NAALAD2: variants seen among roughly 807,000 people sequenced by gnomAD.
The protein encoded by NAALAD2 is N-acetylated alpha-linked acidic dipeptidase 2.
NAALAD2 carries 89 observed loss-of-function variants against 95.6 expected under a neutral mutation model. The observed-to-expected ratio is 0.93, with a 90% CI of 0.78 to 1.11. NAALAD2 has a LOEUF of 1.11. NAALAD2 is among the 50% of genes least tolerant of loss of function. The probability of loss-of-function intolerance (pLI) is 0.00; values close to 1 mark genes in which losing one functional copy is unlikely to be tolerated. For synonymous variants in NAALAD2, 264 were observed against 294.4 expected, an observed-to-expected ratio of 0.90 and a Z score of 1.06; for missense variants, 894 against 872.4, an observed-to-expected ratio of 1.02 and a Z score of -0.31.
chr11:90,154,467 T>A (rs1300015324), intron 6 of NAALAD2, among the ~76,000 whole-genome samples: 1 of 151,922 alleles, frequency 6.6e-6, no homozygotes, highest in African/African-American at 2.4e-5. Context: ...AACCCTGTCA[T>A]CCTAAAATAA....
At chr11:90,143,837 A>G (rs1344726145) in intron 2 of NAALAD2, among the ~76,000 whole-genome samples, 1 of 152,218 alleles carries the variant, frequency 6.6e-6, no homozygotes, top group Non-Finnish European at 1.5e-5. Context: ...ATGCGTTTAT[A>G]GGAACATAAC....
intron 3 of NAALAD2, 96 bp downstream of exon 3, chr11:90,147,612 G>GTGGATAC: frequency 2.6e-6 from 3 of 1,140,076 alleles, no homozygotes; most frequent in Non-Finnish European, 3.8e-6. Context: ...TTTGTTAATA[G>GTGGATAC]TGAATTATTC....
intron 16 of NAALAD2, among the ~76,000 whole-genome samples, chr11:90,179,311 A>G (rs1420575007): frequency 6.6e-6 from 1 of 152,154 alleles, no homozygotes; most frequent in Non-Finnish European, 1.5e-5. Flanking sequence ...GGAGATATAA[A>G]TGTGTACAAG....
intron 1 of NAALAD2, 23 bp from the exon 2 acceptor site, chr11:90,135,536 G>A (rs372668543): frequency 2.2e-5 from 34 of 1,552,832 alleles, no homozygotes; most frequent in Non-Finnish European, 3.0e-5. Context: ...ATGTGTGCAT[G>A]TTTGTGTATT....
At chr11:90,181,296 C>CT (rs1952960624) in intron 16 of NAALAD2, among the ~76,000 whole-genome samples, 2 of 151,866 alleles carry the variant, frequency 1.3e-5, no homozygotes, top group African/African-American at 4.8e-5. Flanking sequence ...TATCCAGTGT[C>CT]TAGCATACAG....
chr11:90,142,136 G>A (rs566170880), intron 2 of NAALAD2, among the ~76,000 whole-genome samples: 16 of 152,144 alleles, frequency 1.1e-4, no homozygotes, highest in South Asian at 2.1e-4. Flanking sequence ...TTTGTCAAGC[G>A]CTTTTTCTGT....
chr11:90,165,974 T>C (rs965986459), intron 11 of NAALAD2, among the ~76,000 whole-genome samples: 2 of 152,170 alleles, frequency 1.3e-5, no homozygotes, highest in Non-Finnish European at 2.9e-5. Context: ...TTGTGCCAGG[T>C]TCTTGATTAT....
At chr11:90,131,903 C>T (rs1341856432), upstream of NAALAD2, 1 of 152,160 alleles carries the variant, frequency 6.6e-6, no homozygotes, top group Non-Finnish European at 1.5e-5. Flanking sequence ...GTTTTCAATA[C>T]TCAAAGTTTT....
At chr11:90,188,866 A>G (rs1397494282) in intron 18 of NAALAD2, among the ~76,000 whole-genome samples, 1 of 152,188 alleles carries the variant, frequency 6.6e-6, no homozygotes, top group Non-Finnish European at 1.5e-5. Flanking sequence ...GTTCCACAAA[A>G]ATTAATTGCT....
At chr11:90,153,547 T>G (rs745502014) in intron 6 of NAALAD2, among the ~76,000 whole-genome samples, 14 of 152,026 alleles carry the variant, frequency 9.2e-5, no homozygotes, top group Admixed American at 2.6e-4. Flanking sequence ...TTTGGTCCTT[T>G]CCATATGAGT....
At position 90,135,645 on chromosome 11, in the gene NAALAD2, G is replaced by A; in HGVS notation, c.169G>A (p.Ala57Thr). Reference protein sequence around the residue: ...IRWKLVSEMKAENIKSFLRSF... With the variant: ...IRWKLVSEMKTENIKSFLRSF... ...GTGGAAACTGGTATCCGAAATGAAA[G>A]CTGAAAACATCAAATCATTTCTTCG... Residue 57 changes from alanine to threonine, a missense_variant, in exon 2 of 19, where the codon GCT becomes ACT. Transcript: ENST00000534061. The A allele has an allele frequency of 6.2e-7, 1 of 1,612,698 alleles. No homozygotes were observed. The highest frequency in any genetic ancestry group is 8.5e-7 in the Non-Finnish European group (1 of 1,179,260).
rs1466474990 is a variant in NAALAD2, at chr11:90,134,693, C to G, written c.-66C>G. The G allele has an allele frequency of 1.3e-6, 2 of 1,532,216 alleles. No individual in the cohort carries two copies. Among genetic ancestry groups the G allele is most frequent in the African/African-American group, 2.7e-5 (2 of 73,176 alleles). 94.9% of individuals were successfully genotyped at this position (1,532,216 alleles called of 1,614,324 possible). On this transcript the variant is annotated 5_prime_UTR_variant, in exon 1 of 19. Transcript: ENST00000534061. ...TCACAGCCTCCTGCCAGCGCGCTCTCTGTTTCTCTGCAGCCCCGAAGCTCG... is the reference window on the plus strand; with the variant it reads ...TCACAGCCTCCTGCCAGCGCGCTCTGTGTTTCTCTGCAGCCCCGAAGCTCG...
intron 14 of NAALAD2, 72 bp downstream of exon 14, chr11:90,173,987 A>C: frequency 9.8e-7 from 1 of 1,023,278 alleles, no homozygotes; most frequent in Non-Finnish European, 1.5e-6. Flanking sequence ...TGTTTCTCCA[A>C]GCATGAAATT....
At chr11:90,156,084 C>G (rs1952111865) in intron 6 of NAALAD2, among the ~76,000 whole-genome samples, 1 of 151,624 alleles carries the variant, frequency 6.6e-6, no homozygotes, top group South Asian at 2.1e-4. Flanking sequence ...GTGATATTCT[C>G]TCCTTTATTC....
At chr11:90,183,752 T>C (rs1857038148) in intron 18 of NAALAD2, among the ~76,000 whole-genome samples, 1 of 152,164 alleles carries the variant, frequency 6.6e-6, no homozygotes, top group Non-Finnish European at 1.5e-5. Flanking sequence ...TGCCCAACTG[T>C]AGGCTAATGT....
intron 18 of NAALAD2, among the ~76,000 whole-genome samples, chr11:90,185,363 A>AT (rs1286764950): frequency 2.6e-5 from 4 of 151,912 alleles, no homozygotes; most frequent in African/African-American, 9.7e-5. Flanking sequence ...TTACAATTTT[A>AT]TTTTTTTCCT....
At chr11:90,134,864 C>G (rs769099679) in intron 1 of NAALAD2, 24 bp downstream of exon 1, 2 of 1,611,148 alleles carry the variant, frequency 1.2e-6, no homozygotes, top group South Asian at 1.1e-5. Context: ...ACACTCTACC[C>G]CGACTCCGGG....
chr11:90,168,914 T>G lies in NAALAD2; in HGVS notation c.1279-15T>G, dbSNP rs1175916872. The G allele has an allele frequency of 1.9e-6, 3 of 1,592,258 alleles. No homozygotes were observed. The highest frequency in any genetic ancestry group is 3.5e-5 in the Admixed American group (2 of 56,810). ...AAGTAATGTGAATTAAGTAACAACT[T>G]TGCTTCAACTACAGGAGAATGTCAA... On this transcript the variant is annotated splice_polypyrimidine_tract_variant and intron_variant, in intron 11 of 18. Transcript: ENST00000534061.
chr11:90,164,310 GTCTC>G (rs1172104453), intron 11 of NAALAD2: 4 of 151,800 alleles, frequency 2.6e-5, no homozygotes, highest in African/African-American at 9.7e-5. Flanking sequence ...TCTTCCTTTA[GTCTC>G]TCTGTCAAGT....
Sources: gnomAD v4.1 joint callset for allele counts (sites outside exome capture counted in the v4.1 genomes callset) on GRCh38, gnomAD v4.1.1 for gene constraint, MANE v1.5 for transcripts, NCBI Gene and HGNC (gene_info 2026-07-23, HGNC 2026-07-21) for gene names.